SLC6A15: variants seen among roughly 807,000 people sequenced by gnomAD.
SLC6A15 encodes the protein solute carrier family 6 member 15, also known as sodium-dependent neutral amino acid transporter B(0)AT2.
Under a neutral mutation model 68.5 loss-of-function variants are expected in SLC6A15, and 33 were observed. The ratio of observed to expected loss-of-function variants is 0.48; its 90% CI spans 0.37 to 0.64. The LOEUF is 0.64. Ranked by LOEUF, SLC6A15 falls within the 30% of genes least tolerant of loss-of-function variation. The pLI, the probability that SLC6A15 is intolerant of heterozygous loss-of-function variation, is 0.00. For missense variants in SLC6A15, 747 were observed against 874.3 expected, an observed-to-expected ratio of 0.85 and a Z score of 1.84; for synonymous variants, 347 against 301.0, an observed-to-expected ratio of 1.15 and a Z score of -1.58.
At position 84,867,428 on chromosome 12, in the gene SLC6A15, G is replaced by A. The variant is rs1019853979; in HGVS notation, c.1496-235C>T. On this transcript the variant is annotated intron_variant, in intron 9 of 11. Transcript: ENST00000266682. The stretch of plus-strand genomic sequence containing the variant: ...GACAGTAATTCATCTCCCTGAGCCC[G>A]TGGAAACTCATTTACCAAGTACAAT... The A allele has an allele frequency of 1.9e-4, 50 of 270,114 alleles. No homozygotes were observed. The East Asian group carries it at 2.5e-3, about 13-fold the overall frequency. 16.7% of individuals were successfully genotyped at this position (270,114 alleles called of 1,614,324 possible). A position where few individuals can be genotyped will look rare whatever the true frequency, so the allele number is the denominator to read the frequency against.
intron 5 of SLC6A15, among the ~76,000 whole-genome samples, chr12:84,877,287 T>A (rs1265422979): frequency 6.6e-6 from 1 of 152,184 alleles, no homozygotes; most frequent in Non-Finnish European, 1.5e-5. Context: ...CCCATCTCTA[T>A]TTCAGAAAAT....
intron 1 of SLC6A15, among the ~76,000 whole-genome samples, chr12:84,899,728 G>T (rs1872776272): frequency 6.6e-6 from 1 of 152,040 alleles, no homozygotes; most frequent in African/African-American, 2.4e-5. Context: ...ACACAAATAT[G>T]TTGGGAACTT....
chr12:84,910,928 C>CTCTCTCTCTCTCTCTCTCTCTCTCT (rs1873408667), intron 1 of SLC6A15, among the ~76,000 whole-genome samples: 2 of 143,448 alleles, frequency 1.4e-5, no homozygotes, highest in African/African-American at 5.7e-5. Flanking sequence ...GCCCTCTTTC[C>CTCTCTCTCTCTCTCTCTCTCTCTCT]GTGTGTGTGT....
chr12:84,868,579 A>G (rs1871159239), intron 9 of SLC6A15, among the ~76,000 whole-genome samples: 1 of 152,212 alleles, frequency 6.6e-6, no homozygotes, highest in Admixed American at 6.5e-5. Flanking sequence ...GATGTGAGGG[A>G]AAAAGATAAT....
intron 5 of SLC6A15, 144 bp from the exon 6 acceptor site, chr12:84,876,751 T>C (rs1053401127): frequency 4.0e-6 from 2 of 497,938 alleles, no homozygotes; most frequent in African/African-American, 2.0e-5. Context: ...AAAGCCATTT[T>C]TTAAGAATGG....
At chr12:84,884,696 A>G (rs894296131) in intron 4 of SLC6A15, among the ~76,000 whole-genome samples, 3 of 152,146 alleles carry the variant, frequency 2.0e-5, no homozygotes, top group Non-Finnish European at 2.9e-5. Flanking sequence ...ATTGTCAAAT[A>G]TGCTAGCTGC....
intron 10 of SLC6A15, among the ~76,000 whole-genome samples, chr12:84,866,602 T>C (rs1323663951): frequency 6.6e-6 from 1 of 152,174 alleles, no homozygotes; most frequent in Non-Finnish European, 1.5e-5. Flanking sequence ...GCTTTAGAGT[T>C]AAACAGAAAT....
In SLC6A15 at chr12:84,861,004, A is replaced by G. The variant is rs1011635210; in HGVS notation, c.*628T>C. On this transcript the variant is annotated 3_prime_UTR_variant, in exon 12 of 12. Coordinates refer to ENST00000266682, the MANE Select transcript of SLC6A15 (RefSeq NM_182767.6). ...CACAAAATATACAGCCATCACTCAC[A>G]TGATTCTCAGTCACCTCTGAATCTC... is the stretch of plus-strand genomic sequence containing the variant. 2 of 152,158 alleles carry G rather than the reference A, an allele frequency of 1.3e-5. No individual in the cohort carries two copies. The highest frequency in any genetic ancestry group is 1.9e-4 in the East Asian group (1 of 5,192). 9.4% of individuals were successfully genotyped at this position (152,158 alleles called of 1,614,324 possible).
intron 5 of SLC6A15, chr12:84,881,773 T>C (rs1871833007): frequency 1.1e-6 from 1 of 902,898 alleles, no homozygotes; most frequent in Non-Finnish European, 1.3e-6. Flanking sequence ...TTCTGTTTAG[T>C]AGGTAAACAC....
At chr12:84,868,706 C>A (rs1397543005) in intron 9 of SLC6A15, among the ~76,000 whole-genome samples, 1 of 152,106 alleles carries the variant, frequency 6.6e-6, no homozygotes, top group Admixed American at 6.5e-5. Context: ...TCAGTATGAT[C>A]CCAAAAAACA....
chr12:84,869,289 C>T (rs1871188124), intron 9 of SLC6A15, among the ~76,000 whole-genome samples: 2 of 151,774 alleles, frequency 1.3e-5, no homozygotes, highest in Admixed American at 6.6e-5. Flanking sequence ...GAAACCCCGT[C>T]TCTATTAAAA....
At chr12:84,886,187 C>G in intron 2 of SLC6A15, 119 bp from the exon 3 acceptor site, 1 of 542,206 alleles carries the variant, frequency 1.8e-6, no homozygotes, top group Non-Finnish European at 2.9e-6. Context: ...ATGGAGAGCT[C>G]TGAAGAAGAC....
intron 2 of SLC6A15, among the ~76,000 whole-genome samples, chr12:84,890,846 A>T (rs184762126): frequency 9.6e-4 from 147 of 152,344 alleles, no homozygotes; most frequent in African/African-American, 3.3e-3. Flanking sequence ...ATCACAAACT[A>T]GAATCAAATA....
At chr12:84,879,259 T>C (rs547596675) in intron 5 of SLC6A15, among the ~76,000 whole-genome samples, 1 of 151,932 alleles carries the variant, frequency 6.6e-6, no homozygotes, top group South Asian at 2.1e-4. Context: ...TACTCCAAAA[T>C]TTACATCCCC....
intron 6 of SLC6A15, among the ~76,000 whole-genome samples, 169 bp downstream of exon 6, chr12:84,876,328 A>G (rs1871538378): frequency 6.6e-6 from 1 of 152,130 alleles, no homozygotes; most frequent in South Asian, 2.1e-4. Flanking sequence ...AAATGGCTAT[A>G]ATTATACATA....
At chr12:84,899,322 G>GA (rs974296244) in intron 1 of SLC6A15, among the ~76,000 whole-genome samples, 9 of 150,336 alleles carry the variant, frequency 6.0e-5, no homozygotes, top group South Asian at 4.2e-4. Context: ...GCGTAGAAAG[G>GA]AAAAAAAAAT....
At chr12:84,906,306 GGGA>G (rs386764886) in intron 1 of SLC6A15, among the ~76,000 whole-genome samples, 1,668 of 152,250 alleles carry the variant, frequency 0.011, 31 homozygotes, top group African/African-American at 0.039. Flanking sequence ...CTAAATGTAT[GGGA>G]AGACATGCCA....
At chr12:84,889,725 T>C (rs368023335) in intron 2 of SLC6A15, among the ~76,000 whole-genome samples, 2 of 152,098 alleles carry the variant, frequency 1.3e-5, no homozygotes, top group African/African-American at 2.4e-5. Flanking sequence ...TGGAGATAGA[T>C]AAAATTATTA....
At chr12:84,887,381 AT>A (rs1176803289) in intron 2 of SLC6A15, among the ~76,000 whole-genome samples, 1 of 152,146 alleles carries the variant, frequency 6.6e-6, no homozygotes, top group Non-Finnish European at 1.5e-5. Flanking sequence ...GAAATAATGG[AT>A]TTTTTCAAAT....
Sources: gnomAD v4.1 joint callset for allele counts (sites outside exome capture counted in the v4.1 genomes callset) on GRCh38, gnomAD v4.1.1 for gene constraint, MANE v1.5 for transcripts, NCBI Gene and HGNC (gene_info 2026-07-23, HGNC 2026-07-21) for gene names.